The following TRPM3 variants were observed in gnomAD, a reference collection of about 807,000 sequenced individuals.
TRPM3 encodes long transient receptor potential channel 3.
Under a neutral mutation model 181.2 loss-of-function variants are expected in TRPM3, and 77 were observed. That is an observed-to-expected ratio of 0.42 (90% confidence interval 0.35 to 0.51). The LOEUF (loss-of-function observed/expected upper bound fraction) is 0.51. TRPM3 is among the 20% of genes least tolerant of loss of function. The pLI is 0.01. For synonymous variants in TRPM3, 745 were observed against 796.4 expected (o/e 0.94, Z 1.09); for missense variants, 1,759 against 2,196.7 (o/e 0.80, Z 3.98).
intron 1 of TRPM3, among the ~76,000 whole-genome samples, chr9:71,441,055 A>T (rs954582579): frequency 1.5e-4 from 23 of 152,218 alleles, no homozygotes; most frequent in Admixed American, 5.9e-4. Flanking sequence ...AAAGTATTTG[A>T]ATTAGGCATT....
At chr9:70,790,848 A>G (rs1406056417) in intron 6 of TRPM3, among the ~76,000 whole-genome samples, 2 of 152,192 alleles carry the variant, frequency 1.3e-5, no homozygotes, top group Non-Finnish European at 2.9e-5. Context: ...GAATACATGA[A>G]TATTCAGGTA....
At chr9:70,604,445 G>A (rs530774734) in intron 19 of TRPM3, among the ~76,000 whole-genome samples, 1 of 152,188 alleles carries the variant, frequency 6.6e-6, no homozygotes, top group Non-Finnish European at 1.5e-5. Flanking sequence ...CAGGGGCTGT[G>A]AGCAGGAACC....
intron 1 of TRPM3, among the ~76,000 whole-genome samples, chr9:70,869,800 G>A (rs2095750420): frequency 6.6e-6 from 1 of 152,000 alleles, no homozygotes; most frequent in African/African-American, 2.4e-5. Context: ...ATCAAAAGTT[G>A]TGATGCCCTG....
At chr9:70,653,503 A>G (rs1019227020) in intron 9 of TRPM3, among the ~76,000 whole-genome samples, 78 of 151,850 alleles carry the variant, frequency 5.1e-4, no homozygotes, top group African/African-American at 1.6e-3. Flanking sequence ...TTCTCCCATC[A>G]GATTTGACCA....
intron 1 of TRPM3, among the ~76,000 whole-genome samples, chr9:71,315,448 CCATGA>C: frequency 6.6e-6 from 1 of 152,150 alleles, no homozygotes; most frequent in Non-Finnish European, 1.5e-5. Context: ...GAGAAATTTC[CCATGA>C]CACGAACTTA....
intron 9 of TRPM3, among the ~76,000 whole-genome samples, chr9:70,665,229 G>T (rs929157178): frequency 6.6e-6 from 1 of 152,014 alleles, no homozygotes; most frequent in Admixed American, 6.6e-5. Flanking sequence ...TATTGAGTGT[G>T]CATTTCCTGT....
intron 1 of TRPM3, among the ~76,000 whole-genome samples, chr9:71,247,394 G>T: frequency 6.7e-6 from 1 of 149,472 alleles, no homozygotes; most frequent in Non-Finnish European, 1.5e-5. Context: ...AATAATAGTT[G>T]AGAGGGTGAA....
At chr9:70,990,667 CTG>C (rs1011921989) in intron 1 of TRPM3, among the ~76,000 whole-genome samples, 2 of 152,062 alleles carry the variant, frequency 1.3e-5, no homozygotes, top group Non-Finnish European at 2.9e-5. Context: ...CCATTTTAAA[CTG>C]TGTGTGTGAG....
chr9:70,803,033 T>TAAA (rs78461560), intron 6 of TRPM3, among the ~76,000 whole-genome samples: 482 of 42,816 alleles, frequency 0.011, 37 homozygotes, highest in African/African-American at 0.03. Flanking sequence ...AGAAATTTTG[T>TAAA]AAAAAAAAAA....
intron 1 of TRPM3, among the ~76,000 whole-genome samples, chr9:71,235,512 T>C (rs896309340): frequency 5.3e-5 from 8 of 152,242 alleles, no homozygotes; most frequent in Non-Finnish European, 1.0e-4. Flanking sequence ...AATGACTATA[T>C]CAATTAGGTT....
rs575443967 is a variant in TRPM3 at position 70,867,698 on chromosome 9, G to A, written c.178-3187C>T. Among the ~76,000 whole-genome samples the A allele has an allele frequency of 3.3e-5, 5 of 152,194 alleles. No homozygotes were observed. The East Asian group carries it at 9.7e-4, about 30-fold the overall frequency. On this transcript the variant is annotated intron_variant, in intron 1 of 25. Coordinates refer to ENST00000677713, the MANE Select transcript of TRPM3 (RefSeq NM_001366145.2). The stretch of plus-strand genomic sequence containing the variant: ...AAGTATAAGACACAATAGAAAGAAT[G>A]CAGGTATAACACATGAATTAGGAAT...
intron 1 of TRPM3, among the ~76,000 whole-genome samples, chr9:71,407,808 G>A (rs1393954584): frequency 6.6e-6 from 1 of 152,152 alleles, no homozygotes; most frequent in African/African-American, 2.4e-5. Context: ...TAGCCTGACT[G>A]GGAGACACCT....
chr9:70,592,809 C>A (rs1442234950), intron 21 of TRPM3, among the ~76,000 whole-genome samples: 1 of 152,134 alleles, frequency 6.6e-6, no homozygotes, highest in Non-Finnish European at 1.5e-5. Context: ...CGGCTCACTG[C>A]AACCTCAGCC....
chr9:71,061,489 C>A (rs932519559), intron 1 of TRPM3, among the ~76,000 whole-genome samples: 1 of 152,068 alleles, frequency 6.6e-6, no homozygotes, highest in Non-Finnish European at 1.5e-5. Flanking sequence ...ATTCCCAGGA[C>A]AGATAAGAGT....
At chr9:70,570,477 T>C (rs191007670) in intron 22 of TRPM3, among the ~76,000 whole-genome samples, 287 of 151,982 alleles carry the variant, frequency 1.9e-3, no homozygotes, top group Admixed American at 6.6e-3. Context: ...CCCAGCTAAT[T>C]TGTGTATTTT....
chr9:70,884,168 C>A (rs1243098129), intron 1 of TRPM3, among the ~76,000 whole-genome samples: 1 of 152,028 alleles, frequency 6.6e-6, no homozygotes. Context: ...TATAACAATC[C>A]CTTCCAGGGA....
chr9:71,427,742 G>A (rs1407883318), intron 1 of TRPM3, among the ~76,000 whole-genome samples: 2 of 152,092 alleles, frequency 1.3e-5, no homozygotes, highest in Non-Finnish European at 2.9e-5. Flanking sequence ...AACAGTAGAT[G>A]CTGGGGACTA....
At chr9:70,576,504 TC>T (rs1564398495) in intron 22 of TRPM3, among the ~76,000 whole-genome samples, 7 of 149,932 alleles carry the variant, frequency 4.7e-5, no homozygotes, top group African/African-American at 1.7e-4. Flanking sequence ...TCCTCCTCCT[TC>T]TTCTTTTTTT....
At chr9:71,025,044 T>C (rs1590748759) in intron 1 of TRPM3, among the ~76,000 whole-genome samples, 1 of 152,364 alleles carries the variant, frequency 6.6e-6, no homozygotes, top group East Asian at 1.9e-4. Flanking sequence ...ATTTACAACA[T>C]ACCATTGTAA....
Sources: gnomAD v4.1 joint callset for allele counts (sites outside exome capture counted in the v4.1 genomes callset) on GRCh38, gnomAD v4.1.1 for gene constraint, MANE v1.5 for transcripts, NCBI Gene and HGNC (gene_info 2026-07-23, HGNC 2026-07-21) for gene names.